GPC5: variants seen among roughly 807,000 people sequenced by gnomAD.
GPC5 encodes the protein glypican 5.
GPC5 carries 47 observed loss-of-function variants against 53.9 expected under a neutral mutation model. That is an observed-to-expected ratio of 0.87 (90% CI 0.69 to 1.11). The LOEUF (loss-of-function observed/expected upper bound fraction) is 1.11. Ranked by LOEUF, GPC5 falls within the 50% of genes most tolerant of loss-of-function variation. The probability of loss-of-function intolerance (pLI) is 0.00; values close to 1 mark genes in which losing one functional copy is unlikely to be tolerated. For missense variants in GPC5, 748 were observed against 713.1 expected (o/e 1.05, Z -0.56); for synonymous variants, 286 against 263.3 (o/e 1.09, Z -0.84).
chr13:91,915,920 C>T (rs1408128845), intron 6 of GPC5, among the ~76,000 whole-genome samples: 2 of 152,062 alleles, frequency 1.3e-5, no homozygotes, highest in Non-Finnish European at 1.5e-5. Flanking sequence ...CATAAGTGTT[C>T]ATCCAGTAAT....
At chr13:92,203,664 AAAT>A (rs1566483360) in intron 7 of GPC5, among the ~76,000 whole-genome samples, 29 of 42,224 alleles carry the variant, frequency 6.9e-4, no homozygotes, top group African/African-American at 1.2e-3. Flanking sequence ...ATAAAAAAAT[AAAT>A]AAATAAAACC....
At chr13:91,845,159 A>G (rs1290109442) in intron 5 of GPC5, among the ~76,000 whole-genome samples, 4 of 151,910 alleles carry the variant, frequency 2.6e-5, no homozygotes, top group Admixed American at 2.6e-4. Context: ...GTAATAATTA[A>G]TGCCTTTAAT....
At chr13:91,834,286 G>C (rs1467347417) in intron 5 of GPC5, among the ~76,000 whole-genome samples, 1 of 152,156 alleles carries the variant, frequency 6.6e-6, no homozygotes, top group Non-Finnish European at 1.5e-5. Flanking sequence ...CTCATGGATA[G>C]AAAGAATTTA....
intron 7 of GPC5, among the ~76,000 whole-genome samples, chr13:92,641,647 C>A (rs1423260230): frequency 2.0e-5 from 3 of 152,114 alleles, no homozygotes; most frequent in African/African-American, 4.8e-5. Flanking sequence ...GGAAGAATTT[C>A]TTCAGCTGAA....
At chr13:92,718,444 A>G (rs938698449) in intron 7 of GPC5, among the ~76,000 whole-genome samples, 1 of 152,144 alleles carries the variant, frequency 6.6e-6, no homozygotes, top group Non-Finnish European at 1.5e-5. Flanking sequence ...GAAATAGGCC[A>G]GGCATAGAAA....
In GPC5 at chr13:92,862,550, T is replaced by G. The variant is rs117875982; in HGVS notation, c.1562-3732T>G. On this transcript the variant is annotated intron_variant, in intron 7 of 7. Coordinates refer to ENST00000377067, the MANE Select transcript of GPC5 (RefSeq NM_004466.6). ...GTGGAGATATATATATAGATAGATA[T>G]ATAGATATATAGATATTTGACTCGT... 5.7e-3 allele frequency among the ~76,000 whole-genome samples: 867 copies of G among 152,058 alleles called. 35 individuals are homozygous for G. In the South Asian group the frequency reaches 0.087, roughly 15 times the overall value.
chr13:91,984,094 C>T (rs774832232), intron 6 of GPC5, among the ~76,000 whole-genome samples: 61 of 152,060 alleles, frequency 4.0e-4, no homozygotes, highest in Admixed American at 1.6e-3. Flanking sequence ...AGTAATTTCT[C>T]TTAAGTCAAT....
intron 2 of GPC5, among the ~76,000 whole-genome samples, chr13:91,545,987 A>G (rs2030263084): frequency 6.6e-6 from 1 of 152,102 alleles, no homozygotes; most frequent in African/African-American, 2.4e-5. Context: ...GGATAATATC[A>G]CTGTGGATTA....
rs565275248 is a variant in GPC5 at position 92,479,472 on chromosome 13, T to C, written c.1561+334483T>C. On this transcript the variant is annotated intron_variant, in intron 7 of 7. Transcript: ENST00000377067. ...AGAGGCAGTGAAAATGAAATCTCAA[T>C]TAGAGTGGTCTGAGGAGAGAATTCA... Among the ~76,000 whole-genome samples, 412 of 152,278 alleles carry C rather than the reference T, an allele frequency of 2.7e-3. 2 individuals carry two copies. Among genetic ancestry groups the C allele is most frequent in the Non-Finnish European group, 4.8e-3 (329 of 68,032 alleles).
At chr13:91,906,174 A>G (rs1335576821) in intron 5 of GPC5, among the ~76,000 whole-genome samples, 1 of 152,046 alleles carries the variant, frequency 6.6e-6, no homozygotes, top group East Asian at 1.9e-4. Context: ...TGCTTTGTGA[A>G]TGGAGGCCCG....
At chr13:92,540,064 T>G (rs1204905692) in intron 7 of GPC5, among the ~76,000 whole-genome samples, 3 of 152,028 alleles carry the variant, frequency 2.0e-5, no homozygotes, top group Non-Finnish European at 4.4e-5. Context: ...GGTTTTCATA[T>G]TCATTATGTG....
intron 7 of GPC5, among the ~76,000 whole-genome samples, chr13:92,564,692 C>T (rs1275986062): frequency 2.0e-5 from 3 of 151,946 alleles, no homozygotes; most frequent in Admixed American, 6.6e-5. Flanking sequence ...CTCCCTCTAG[C>T]AGACCCCACT....
intron 6 of GPC5, among the ~76,000 whole-genome samples, chr13:92,022,898 TAAG>T (rs1374454233): frequency 6.6e-6 from 1 of 152,052 alleles, no homozygotes; most frequent in Admixed American, 6.6e-5. Flanking sequence ...TTAAACAAAT[TAAG>T]AAAGAGGAAT....
chr13:92,774,052 C>T (rs1875705784), intron 7 of GPC5, among the ~76,000 whole-genome samples: 1 of 152,196 alleles, frequency 6.6e-6, no homozygotes, highest in Non-Finnish European at 1.5e-5. Flanking sequence ...AACCTGCCTG[C>T]ATGATTCAAT....
chr13:91,992,518 C>T (rs370080366), intron 6 of GPC5, among the ~76,000 whole-genome samples: 6 of 149,508 alleles, frequency 4.0e-5, no homozygotes, highest in Admixed American at 6.7e-5. Flanking sequence ...AGTGCAGTGG[C>T]GCGATCTTGG....
chr13:92,693,165 C>A (rs1887463018), intron 7 of GPC5, among the ~76,000 whole-genome samples: 1 of 152,156 alleles, frequency 6.6e-6, no homozygotes, highest in Non-Finnish European at 1.5e-5. Flanking sequence ...CCAATTAAAC[C>A]TTTTTCCTTT....
At chr13:92,761,678 A>G (rs1875181332) in intron 7 of GPC5, among the ~76,000 whole-genome samples, 1 of 152,154 alleles carries the variant, frequency 6.6e-6, no homozygotes, top group Non-Finnish European at 1.5e-5. Flanking sequence ...CAACCACTCT[A>G]TGTATTTTGA....
intron 2 of GPC5, among the ~76,000 whole-genome samples, chr13:91,659,453 G>T (rs73612005): frequency 0.018 from 2,763 of 152,226 alleles, 90 homozygotes; most frequent in African/African-American, 0.062. Flanking sequence ...GCAGATGGTT[G>T]GTTATGGTCA....
chr13:91,654,881 T>G (rs534747331), intron 2 of GPC5, among the ~76,000 whole-genome samples: 6 of 152,252 alleles, frequency 3.9e-5, no homozygotes, highest in Middle Eastern at 3.4e-3. Flanking sequence ...ACTATTTCCT[T>G]TATTATATTA....
Sources: gnomAD v4.1 joint callset for allele counts (sites outside exome capture counted in the v4.1 genomes callset) on GRCh38, gnomAD v4.1.1 for gene constraint, MANE v1.5 for transcripts, NCBI Gene and HGNC (gene_info 2026-07-23, HGNC 2026-07-21) for gene names.